GCNT2: variants seen among roughly 807,000 people sequenced by gnomAD.
GCNT2 encodes glucosaminyl (N-acetyl) transferase 2 (I blood group).
Under a neutral mutation model 34.2 loss-of-function variants are expected in GCNT2, and 34 were observed. That is an observed-to-expected ratio of 1.00 (90% confidence interval 0.76 to 1.32). The LOEUF is 1.32. Among genes scored for constraint, GCNT2 ranks in the 40% most tolerant of loss-of-function variants. GCNT2 has a pLI of 0.00. For synonymous variants in GCNT2, 212 were observed against 188.0 expected, an observed-to-expected ratio of 1.13 and a Z score of -1.04; for missense variants, 584 against 489.4, an observed-to-expected ratio of 1.19 and a Z score of -1.82.
chr6:10,611,792 A>G (rs1311780905), intron 3 of GCNT2, among the ~76,000 whole-genome samples: 1 of 152,246 alleles, frequency 6.6e-6, no homozygotes, highest in Non-Finnish European at 1.5e-5. Context: ...TACTAAATTA[A>G]TGAAGCAAAT....
chr6:10,524,852 GGAAA>G (rs562617570), intron 1 of GCNT2, among the ~76,000 whole-genome samples: 30 of 145,222 alleles, frequency 2.1e-4, no homozygotes, highest in South Asian at 1.1e-3. Context: ...AAAAAGAAAA[GGAAA>G]GAAAGAAAAG....
chr6:10,522,423 A>G (rs1382870716), intron 1 of GCNT2, among the ~76,000 whole-genome samples: 4 of 152,206 alleles, frequency 2.6e-5, no homozygotes, highest in Admixed American at 2.0e-4. Flanking sequence ...TTTTAAATGT[A>G]GGCCTTTGAG....
chr6:10,529,153 G>A lies in GCNT2; in HGVS notation c.242G>A (p.Ser81Asn), dbSNP rs1319733823. 1 of 1,614,098 alleles carries A rather than the reference G, an allele frequency of 6.2e-7. No individual in the cohort carries two copies. Among genetic ancestry groups the A allele is most frequent in the Non-Finnish European group, 8.5e-7 (1 of 1,179,956 alleles). ...EATCYEYMVRSHYVTETLSEE... is the reference protein window; with the variant it reads ...EATCYEYMVRNHYVTETLSEE... ...ACCTGCTATGAGTACATGGTTCGAA[G>A]CCACTATGTAACAGAAACACTCTCT... The change falls in exon 3 of 5, where the codon AGC becomes AAC. Residue 81 changes from serine to asparagine, a missense_variant. Physicochemically the swap from Ser to Asn is conservative, Grantham distance 46. Coordinates refer to ENST00000495262, the MANE Select transcript of GCNT2 (RefSeq NM_145649.5).
chr6:10,547,915 A>T (rs1762336153), intron 3 of GCNT2, among the ~76,000 whole-genome samples: 1 of 152,122 alleles, frequency 6.6e-6, no homozygotes, highest in South Asian at 2.1e-4. Flanking sequence ...TTACTGCTCA[A>T]ATTGTCCCAG....
chr6:10,593,032 C>A (rs1429021208), intron 3 of GCNT2, among the ~76,000 whole-genome samples: 1 of 152,284 alleles, frequency 6.6e-6, no homozygotes, highest in South Asian at 2.1e-4. Flanking sequence ...TGAGCCACCA[C>A]GCCCAGCCTT....
chr6:10,588,274 A>G (rs541914795), intron 3 of GCNT2, among the ~76,000 whole-genome samples: 1 of 152,298 alleles, frequency 6.6e-6, no homozygotes, highest in Admixed American at 6.5e-5. Context: ...GAGAGCGTTA[A>G]CCCTTTCTTT....
intron 4 of GCNT2, among the ~76,000 whole-genome samples, chr6:10,623,081 G>A (rs1192936823): frequency 6.6e-6 from 1 of 151,662 alleles, no homozygotes; most frequent in Non-Finnish European, 1.5e-5. Flanking sequence ...AATGTTAAAT[G>A]TTTCAGGTGA....
At chr6:10,566,825 G>A (rs896223412) in intron 3 of GCNT2, among the ~76,000 whole-genome samples, 42 of 152,342 alleles carry the variant, frequency 2.8e-4, no homozygotes, top group African/African-American at 9.9e-4. Context: ...GGTTTAAATG[G>A]TGTTGGCCAT....
At chr6:10,566,482 T>C (rs1001922116) in intron 3 of GCNT2, among the ~76,000 whole-genome samples, 14 of 152,226 alleles carry the variant, frequency 9.2e-5, no homozygotes, top group Admixed American at 9.2e-4. Flanking sequence ...TTTATAGAGA[T>C]AGAATTTCAC....
chr6:10,545,586 C>T (rs1325454026), intron 3 of GCNT2, among the ~76,000 whole-genome samples: 1 of 152,168 alleles, frequency 6.6e-6, no homozygotes, highest in Non-Finnish European at 1.5e-5. Context: ...TCCTAACCTC[C>T]TTCGTGCCTT....
At chr6:10,611,739 TGTTAAA>T (rs993649557) in intron 3 of GCNT2, among the ~76,000 whole-genome samples, 1 of 152,212 alleles carries the variant, frequency 6.6e-6, no homozygotes, top group Non-Finnish European at 1.5e-5. Context: ...TTTTTTTTGT[TGTTAAA>T]GTTAATTGAA....
intron 3 of GCNT2, chr6:10,586,064 C>T: frequency 6.2e-7 from 1 of 1,614,118 alleles, no homozygotes; most frequent in South Asian, 1.1e-5. Context: ...TTTACAGTAG[C>T]CAATTGAGCC....
At chr6:10,613,487 T>G (rs545596457) in intron 3 of GCNT2, among the ~76,000 whole-genome samples, 16 of 151,924 alleles carry the variant, frequency 1.1e-4, no homozygotes, top group Admixed American at 1.0e-3. Context: ...CCTCCCAGAG[T>G]CCTGACAAAG....
intron 3 of GCNT2, among the ~76,000 whole-genome samples, chr6:10,566,152 C>A (rs980864225): frequency 1.3e-5 from 2 of 152,026 alleles, no homozygotes; most frequent in Non-Finnish European, 2.9e-5. Flanking sequence ...GGATGCTCTT[C>A]CTCCCTATCC....
chr6:10,572,328 A>G (rs1763588184), intron 3 of GCNT2, among the ~76,000 whole-genome samples: 1 of 152,234 alleles, frequency 6.6e-6, no homozygotes, highest in Non-Finnish European at 1.5e-5. Flanking sequence ...TTAGCCCTGA[A>G]GACCCCAACC....
intron 3 of GCNT2, among the ~76,000 whole-genome samples, chr6:10,570,103 T>C (rs538589952): frequency 7.7e-4 from 117 of 152,152 alleles, no homozygotes; most frequent in Non-Finnish European, 1.5e-3. Context: ...GCCCAGCTAA[T>C]TTTGTAATTT....
chr6:10,550,226 G>T (rs1238117664), intron 3 of GCNT2, among the ~76,000 whole-genome samples: 1 of 151,942 alleles, frequency 6.6e-6, no homozygotes, highest in Non-Finnish European at 1.5e-5. Context: ...GCTAATTTTT[G>T]TATTTTTAGT....
intron 3 of GCNT2, among the ~76,000 whole-genome samples, chr6:10,568,476 A>G (rs550529903): frequency 6.6e-6 from 1 of 152,184 alleles, no homozygotes; most frequent in South Asian, 2.1e-4. Context: ...CAAGCAGACT[A>G]TTGTCGGACC....
chr6:10,555,998 C>G (rs1762681700), intron 3 of GCNT2: 1 of 1,096,930 alleles, frequency 9.1e-7, no homozygotes, highest in Admixed American at 4.9e-5. Flanking sequence ...CACTTCAACT[C>G]TGGCTTTCAC....
Sources: gnomAD v4.1 joint callset for allele counts (sites outside exome capture counted in the v4.1 genomes callset) on GRCh38, gnomAD v4.1.1 for gene constraint, MANE v1.5 for transcripts, NCBI Gene and HGNC (gene_info 2026-07-23, HGNC 2026-07-21) for gene names.